Variants in SWT1 observed in about 807,000 individuals in gnomAD.
The protein encoded by SWT1 is SWT1 RNA endoribonuclease homolog.
SWT1 carries 33 observed loss-of-function variants against 107.3 expected under a neutral mutation model. The ratio of observed to expected loss-of-function variants is 0.31; its 90% confidence interval spans 0.23 to 0.41. The LOEUF (loss-of-function observed/expected upper bound fraction) is 0.41, where lower values mean the gene tolerates loss of function less well. Ranked by LOEUF, SWT1 falls within the 10% of genes least tolerant of loss-of-function variation. SWT1 has a pLI of 1.00. For synonymous variants in SWT1, 345 were observed against 348.3 expected, an observed-to-expected ratio of 0.99 and a Z score of 0.11; for missense variants, 898 against 1,028.9, an observed-to-expected ratio of 0.87 and a Z score of 1.74.
At chr1:185,278,397 A>T (rs1664392258) in intron 18 of SWT1, among the ~76,000 whole-genome samples, 1 of 152,110 alleles carries the variant, frequency 6.6e-6, no homozygotes, top group Non-Finnish European at 1.5e-5. Context: ...TGGTGCTTTG[A>T]TCTTGAACTT....
chr1:185,222,799 T>C (rs536942388), intron 15 of SWT1, among the ~76,000 whole-genome samples: 27 of 147,818 alleles, frequency 1.8e-4, no homozygotes, highest in African/African-American at 6.8e-4. Context: ...CAAAAGCCTC[T>C]CTTCTAGCTA....
At position 185,206,680 on chromosome 1, in the gene SWT1, A is replaced by G. The variant is rs776424977; in HGVS notation, c.1889A>G (p.Lys630Arg). The G allele has an allele frequency of 1.9e-6, 3 of 1,609,912 alleles. No homozygotes were observed. The highest frequency in any genetic ancestry group is 3.4e-5 in the Admixed American group (2 of 59,392). ...TLLHLLQCFK[K>R]HWLAVFGLVM... ...CTACATTTACTACAGTGCTTTAAAA[A>G]ACATTGGTTGGCTGTATTTGGATTA... Residue 630 changes from lysine (K) to arginine (R), a missense_variant, in exon 13 of 19, where the codon AAA becomes AGA. By Grantham distance (26) the Lys-to-Arg change is conservative. Around this residue, in one of 6 missense-constraint regions of SWT1, gnomAD observed 382 missense variants for 460.0 expected, o/e 0.83. Transcript: ENST00000367500.
At chr1:185,275,498 C>A (rs1007183937) in intron 17 of SWT1, among the ~76,000 whole-genome samples, 2 of 148,288 alleles carry the variant, frequency 1.3e-5, no homozygotes, top group African/African-American at 2.5e-5. Flanking sequence ...GCAATATATC[C>A]ATGTTCATTT....
In SWT1 at chr1:185,184,710, T is replaced by C. The variant is rs373744928; in HGVS notation, c.1241-33T>C. The C allele has an allele frequency of 2.6e-4, 401 of 1,560,886 alleles. 1 individual carries two copies. Among genetic ancestry groups the C allele is most frequent in the Middle Eastern group, 3.4e-4 (2 of 5,936 alleles). On this transcript the variant is annotated intron_variant, in intron 8 of 18. Transcript: ENST00000367500. ...TCCATTTAGTAGCTCAATAAATGTTTGTTAAATTCTAAGAAATCTTTTTAT... is the reference window on the plus strand; with the variant it reads ...TCCATTTAGTAGCTCAATAAATGTTCGTTAAATTCTAAGAAATCTTTTTAT...
intron 16 of SWT1, among the ~76,000 whole-genome samples, chr1:185,261,188 C>A (rs956278659): frequency 3.3e-5 from 5 of 151,978 alleles, no homozygotes; most frequent in African/African-American, 1.2e-4. Context: ...GTTTTCCATC[C>A]CCTTCAGCCC....
At chr1:185,183,030 A>T (rs1291765792) in intron 7 of SWT1, among the ~76,000 whole-genome samples, 8 of 151,630 alleles carry the variant, frequency 5.3e-5, no homozygotes, top group African/African-American at 9.7e-5. Flanking sequence ...CCAGCTACTC[A>T]GGAGGCTGAG....
At chr1:185,185,137 A>G (rs547631196) in intron 9 of SWT1, among the ~76,000 whole-genome samples, 6 of 152,336 alleles carry the variant, frequency 3.9e-5, no homozygotes, top group African/African-American at 1.2e-4. Context: ...CATTATGTCT[A>G]TATTTCACAG....
At chr1:185,175,201 T>TG in intron 5 of SWT1, 88 bp downstream of exon 5, 4 of 1,081,408 alleles carry the variant, frequency 3.7e-6, no homozygotes, top group East Asian at 3.1e-5. Context: ...TATTTTTTTC[T>TG]GTTTTTTTTT....
intron 18 of SWT1, among the ~76,000 whole-genome samples, chr1:185,286,764 C>G (rs1205243034): frequency 2.0e-5 from 3 of 151,978 alleles, no homozygotes; most frequent in African/African-American, 7.3e-5. Context: ...TTCTTTGTTT[C>G]CAGTTTGGAT....
chr1:185,265,815 C>T (rs1406368582), intron 16 of SWT1, among the ~76,000 whole-genome samples: 1 of 152,084 alleles, frequency 6.6e-6, no homozygotes, highest in Admixed American at 6.5e-5. Context: ...AATATTTAAA[C>T]CTTGACTCAT....
At chr1:185,239,056 G>A (rs114433872) in intron 16 of SWT1, among the ~76,000 whole-genome samples, 394 of 152,180 alleles carry the variant, frequency 2.6e-3, no homozygotes, top group African/African-American at 9.1e-3. Flanking sequence ...CTTAAAAATA[G>A]TAGATCATAT....
intron 16 of SWT1, among the ~76,000 whole-genome samples, chr1:185,269,868 T>C (rs1663724010): frequency 6.6e-6 from 1 of 152,210 alleles, no homozygotes; most frequent in South Asian, 2.1e-4. Flanking sequence ...AGGGTTATCT[T>C]CTGATAAACT....
intron 10 of SWT1, among the ~76,000 whole-genome samples, chr1:185,198,322 A>G (rs1571478868): frequency 6.6e-6 from 1 of 152,134 alleles, no homozygotes; most frequent in East Asian, 1.9e-4. Context: ...TATGATTTAC[A>G]TTCTTTTGCA....
intron 3 of SWT1, among the ~76,000 whole-genome samples, chr1:185,168,139 C>T (rs1222934077): frequency 6.6e-6 from 1 of 152,070 alleles, no homozygotes; most frequent in Non-Finnish European, 1.5e-5. Flanking sequence ...GACTGCTCTG[C>T]TGTGGACTTG....
chr1:185,201,205 A>G (rs1448643562), intron 10 of SWT1, among the ~76,000 whole-genome samples: 1 of 152,030 alleles, frequency 6.6e-6, no homozygotes, highest in East Asian at 1.9e-4. Flanking sequence ...GCTGAGATCC[A>G]CGGAGCTAGA....
At chr1:185,219,392 T>C (rs1244976627) in intron 14 of SWT1, among the ~76,000 whole-genome samples, 3 of 152,154 alleles carry the variant, frequency 2.0e-5, no homozygotes, top group South Asian at 2.1e-4. Context: ...AGCTAATAAA[T>C]AGAAAATTCT....
intron 9 of SWT1, among the ~76,000 whole-genome samples, chr1:185,189,805 A>G (rs1286184875): frequency 1.3e-5 from 2 of 150,556 alleles, no homozygotes; most frequent in African/African-American, 4.9e-5. Flanking sequence ...ACATAAATAT[A>G]TATGAAATAC....
chr1:185,197,127 A>G (rs1657460372), intron 10 of SWT1, among the ~76,000 whole-genome samples: 1 of 152,102 alleles, frequency 6.6e-6, no homozygotes, highest in Admixed American at 6.6e-5. Context: ...GATACATTCC[A>G]TCTCAAACTC....
intron 14 of SWT1, among the ~76,000 whole-genome samples, chr1:185,219,235 T>C (rs1659450179): frequency 6.6e-6 from 1 of 152,216 alleles, no homozygotes; most frequent in African/African-American, 2.4e-5. Flanking sequence ...TCTAGTCAGA[T>C]TGCTGAAGGT....
Sources: gnomAD v4.1 joint callset for allele counts (sites outside exome capture counted in the v4.1 genomes callset) on GRCh38, gnomAD v4.1.1 for gene constraint, gnomAD v4.1.1 regional missense constraint, MANE v1.5 for transcripts, NCBI Gene and HGNC (gene_info 2026-07-23, HGNC 2026-07-21) for gene names.